Variants in TCF3 observed in about 807,000 individuals in gnomAD.
TCF3 encodes transcription factor 3, also known as transcription factor E2-alpha.
Under a neutral mutation model 72.3 loss-of-function variants are expected in TCF3, and 54 were observed. The observed-to-expected ratio is 0.75, with a 90% CI of 0.60 to 0.94. TCF3 has a LOEUF of 0.94. Ranked by LOEUF, TCF3 falls within the 40% of genes least tolerant of loss-of-function variation. TCF3 has a pLI of 0.00. For missense variants in TCF3, 1,078 were observed against 934.4 expected (o/e 1.15, Z -2.00); for synonymous variants, 525 against 412.6 (o/e 1.27, Z -3.30).
intron 14 of TCF3, 38 bp downstream of exon 14, chr19:1,619,742 G>A (rs1031702930): frequency 2.0e-6 from 3 of 1,504,822 alleles, no homozygotes; most frequent in Non-Finnish European, 2.7e-6. Flanking sequence ...TGCAAATTCT[G>A]TCGGGGAAGG....
At chr19:1,651,446 T>G (rs904398770) in intron 1 of TCF3, 2 of 225,700 alleles carry the variant, frequency 8.9e-6, no homozygotes, top group Middle Eastern at 1.3e-3. Context: ...CGTGTGAAAC[T>G]GACTTTTTTT....
chr19:1,634,681 C>T (rs532005270), intron 3 of TCF3, among the ~76,000 whole-genome samples: 4 of 152,294 alleles, frequency 2.6e-5, no homozygotes, highest in East Asian at 3.9e-4. Context: ...CCTGGTGGCT[C>T]GTTGGCAAAT....
rs117006898 is a variant in TCF3 at position 1,619,793 on chromosome 19, C to G, written c.1154G>C (p.Gly385Ala). The change falls in exon 14 of 19, where the codon GGT becomes GCT. Residue 385 changes from glycine to alanine, a missense_variant. Gly to Ala is a moderately conservative substitution (Grantham distance 60). Transcript: ENST00000262965. ...PGALSPSYDG[G>A]LHGLQSKIED... ...GCAGGCACTCACCAGGCCGTGGAGA[C>G]CCCCGTCGTAGCTGGGCGATAAGGC... 5 of 1,557,944 alleles carry G rather than the reference C, an allele frequency of 3.2e-6. No homozygotes were observed. Among genetic ancestry groups the G allele is most frequent in the Non-Finnish European group, 4.3e-6 (5 of 1,151,808 alleles).
chr19:1,613,258 C>G (rs118087435), intron 18 of TCF3, among the ~76,000 whole-genome samples: 1 of 152,138 alleles, frequency 6.6e-6, no homozygotes, highest in Non-Finnish European at 1.5e-5. Flanking sequence ...TGTGTGTGTA[C>G]GCGACTGGCT....
At chr19:1,618,100 C>T (rs2061738661) in intron 16 of TCF3, among the ~76,000 whole-genome samples, 1 of 152,126 alleles carries the variant, frequency 6.6e-6, no homozygotes, top group African/African-American at 2.4e-5. Context: ...TCAACAATCC[C>T]CAGGCCCAGG....
Position 1,615,630 on chromosome 19 carries a change from G to A in TCF3, c.1586+56C>T. On this transcript the variant is annotated intron_variant, in intron 17 of 18. Coordinates refer to ENST00000262965, the MANE Select transcript of TCF3 (RefSeq NM_003200.5). This position sits in a 1 kb window ranked among gnomAD's most constrained non-coding sequence, Gnocchi z 7.3. The stretch of plus-strand genomic sequence containing the variant: ...TGGGTGCGGTGTGCGTGTGGCCTGT[G>A]CACATGTGCGTCCTGATGGGGTGAG... 6.2e-7 allele frequency: 1 copy of A among 1,610,960 alleles called. No homozygotes were observed.
Position 1,644,611 on chromosome 19 carries a change from T to C in TCF3, c.145+1744A>G, listed in dbSNP as rs191619314. Among the ~76,000 whole-genome samples, 752 of 152,078 alleles carry C rather than the reference T, an allele frequency of 4.9e-3. 19 individuals carry two copies. The highest frequency in any genetic ancestry group is 0.042 in the Admixed American group (636 of 15,294). On this transcript the variant is annotated intron_variant, in intron 3 of 18. Transcript: ENST00000262965. The stretch of plus-strand genomic sequence containing the variant: ...GAGACTCTGTGGGAACCACAGAAAA[T>C]ACATCTGCAAACATTGGCAGGTTCC...
intron 1 of TCF3, chr19:1,651,153 C>T (rs980983032): frequency 5.6e-5 from 13 of 231,794 alleles, no homozygotes; most frequent in Non-Finnish European, 6.0e-5. Context: ...CCTGCCAAGA[C>T]CCATTCCACC....
rs750466176 is a variant in TCF3 at position 1,634,323 on chromosome 19, C to CAA, written c.146-1919_146-1918insTT. On this transcript the variant is annotated intron_variant, in intron 3 of 18. Coordinates refer to ENST00000262965, the MANE Select transcript of TCF3 (RefSeq NM_003200.5). ...TACTAATAGAATAAGACACTGCTGT[C>CAA]AGAGTGTGGTTTTCTGTGATTTCTT... Among the ~76,000 whole-genome samples, 24 of 152,372 alleles carry CAA rather than the reference C, an allele frequency of 1.6e-4. No individual in the cohort carries two copies. In the South Asian group the frequency reaches 4.1e-3, roughly 26 times the overall value.
chr19:1,611,854 A>G lies in TCF3; in HGVS notation c.1823-5T>C, dbSNP rs1339766483. 1 of 1,570,110 alleles carries G rather than the reference A, an allele frequency of 6.4e-7. No homozygotes were observed. Among genetic ancestry groups the G allele is most frequent in the East Asian group, 2.8e-5 (1 of 36,244 alleles). On this transcript the variant is annotated splice_polypyrimidine_tract_variant and splice_region_variant and intron_variant, in intron 18 of 18. Coordinates refer to ENST00000262965, the MANE Select transcript of TCF3 (RefSeq NM_003200.5). ...CTTTGGGATTCAGGTTCCGCTCTGG[A>G]GGGAGGGGGGAGAGCTCTGTGGGAG...
intron 18 of TCF3, among the ~76,000 whole-genome samples, chr19:1,613,824 G>C (rs1461010180): frequency 6.6e-6 from 1 of 152,222 alleles, no homozygotes; most frequent in Non-Finnish European, 1.5e-5. Flanking sequence ...GGGAAGGCCA[G>C]CTCCCTAGGC....
Position 1,644,513 on chromosome 19 carries a change from C to T in TCF3, c.145+1842G>A, listed in dbSNP as rs546940797. ...GCCTCACTGGGCCCTCCAAAGCCTC[C>T]GCCCTAACGTGTGAGGGGACAAGGC... On this transcript the variant is annotated intron_variant, in intron 3 of 18. Coordinates refer to ENST00000262965, the MANE Select transcript of TCF3 (RefSeq NM_003200.5). Among the ~76,000 whole-genome samples, 14 of 152,346 alleles carry T rather than the reference C, an allele frequency of 9.2e-5. No homozygotes were observed. In the South Asian group the frequency reaches 1.2e-3, roughly 14 times the overall value.
intron 3 of TCF3, among the ~76,000 whole-genome samples, chr19:1,638,954 C>T (rs1428627082): frequency 6.6e-6 from 1 of 152,238 alleles, no homozygotes; most frequent in Non-Finnish European, 1.5e-5. Context: ...AAACAAGCGA[C>T]TCAGGAGATA....
intron 5 of TCF3, among the ~76,000 whole-genome samples, chr19:1,630,391 G>T (rs979586447): frequency 1.3e-5 from 2 of 152,180 alleles, no homozygotes; most frequent in African/African-American, 2.4e-5. Flanking sequence ...TGACTCTACT[G>T]TACTCCAAGT....
chr19:1,624,016 G>C lies in TCF3; in HGVS notation c.500-16C>G, dbSNP rs1568386014. ...GGCTGCGTGTCTGTTAGAAGCAAAA[G>C]GGGTGAGAACCGGCCACCGGCCATG... is the stretch of plus-strand genomic sequence containing the variant. On this transcript the variant is annotated splice_polypyrimidine_tract_variant and intron_variant, in intron 7 of 18. Transcript: ENST00000262965. 1 of 1,613,182 alleles carries C rather than the reference G, an allele frequency of 6.2e-7. No homozygotes were observed. Among genetic ancestry groups the C allele is most frequent in the Non-Finnish European group, 8.5e-7 (1 of 1,179,836 alleles).
chr19:1,639,520 T>A (rs1338042541), intron 3 of TCF3, among the ~76,000 whole-genome samples: 1 of 152,076 alleles, frequency 6.6e-6, no homozygotes, highest in Non-Finnish European at 1.5e-5. Flanking sequence ...AAAATCTAAA[T>A]ATGGTTCAAA....
chr19:1,632,219 G>T (rs544336043), intron 4 of TCF3, 103 bp from the exon 5 acceptor site: 5 of 1,549,050 alleles, frequency 3.2e-6, no homozygotes, highest in Non-Finnish European at 4.4e-6. Flanking sequence ...ATGTCCCCCA[G>T]TCCAAACCCC....
chr19:1,634,623 C>T (rs903991479), intron 3 of TCF3, among the ~76,000 whole-genome samples: 14 of 152,224 alleles, frequency 9.2e-5, no homozygotes, highest in Middle Eastern at 3.2e-3. Flanking sequence ...TTCCCAGTCC[C>T]GGTCCCTGTT....
In TCF3 at chr19:1,629,115, C is replaced by T. The variant is rs867695217; in HGVS notation, c.299-1689G>A. On this transcript the variant is annotated intron_variant, in intron 5 of 18. Coordinates refer to ENST00000262965, the MANE Select transcript of TCF3 (RefSeq NM_003200.5). The stretch of plus-strand genomic sequence containing the variant: ...GGACAGCAGAGCTCACGGGGTGAGG[C>T]GGGAAGGGGACAGCAGAGCTCACAG... 5.2e-5 allele frequency among the ~76,000 whole-genome samples: 7 copies of T among 134,514 alleles called. 1 individual carries two copies. Among genetic ancestry groups the T allele is most frequent in the Admixed American group, 2.2e-4 (3 of 13,384 alleles). The allele number at this position is 134,514 out of a possible 152,430, so 88.2% of individuals were successfully genotyped here. A position where few individuals can be genotyped will look rare whatever the true frequency, so the allele number is the denominator to read the frequency against.
Sources: allele counts gnomAD v4.1 joint callset (sites outside exome capture counted in the v4.1 genomes callset), GRCh38; gene constraint gnomAD v4.1.1; non-coding constraint Gnocchi (gnomAD v3.1); transcripts MANE v1.5; gene names NCBI Gene and HGNC (gene_info 2026-07-23, HGNC 2026-07-21).